BICRA: variants seen among roughly 807,000 people sequenced by gnomAD.
The protein encoded by BICRA is BRD4 interacting chromatin remodeling complex associated protein.
In BICRA, 31 loss-of-function variants were observed where a neutral mutation model predicts 96.9. The observed-to-expected ratio is 0.32, with a 90% CI of 0.24 to 0.43. BICRA has a LOEUF of 0.43. Among genes scored for constraint, BICRA ranks in the 20% least tolerant of loss-of-function variants. The probability of loss-of-function intolerance (pLI) is 1.00; values close to 1 mark genes in which losing one functional copy is unlikely to be tolerated. For missense variants in BICRA, 2,283 were observed against 2,190.3 expected, an observed-to-expected ratio of 1.04 and a Z score of -0.84; for synonymous variants, 1,350 against 1,071.8, an observed-to-expected ratio of 1.26 and a Z score of -5.07.
chr19:47,664,868 T>G (rs1366104800), intron 1 of BICRA, among the ~76,000 whole-genome samples: 1 of 151,966 alleles, frequency 6.6e-6, no homozygotes, highest in Non-Finnish European at 1.5e-5. Context: ...GTGCGCCCAC[T>G]CCATCTCATG....
At chr19:47,621,494 A>G (rs1232551849) in intron 1 of BICRA, among the ~76,000 whole-genome samples, 1 of 138,600 alleles carries the variant, frequency 7.2e-6, no homozygotes, top group African/African-American at 2.7e-5. Flanking sequence ...TAAATGCGAG[A>G]TGGAATTTTG....
Position 47,701,525 on chromosome 19 carries a change from T to C in BICRA, c.3793T>C (p.Ser1265Pro), listed in dbSNP as rs866228266. The change falls in exon 15 of 15, where the codon TCC becomes CCC. Residue 1265 changes from serine to proline, a missense_variant. Transcript: ENST00000594866. The surrounding 1 kb of genome is among the most constrained non-coding windows in gnomAD (Gnocchi z 5.4). ...CCCTTCGGTCACCTGGGCCCGGGCG[T>C]CCTCCTCCCTGTCCTCCTCTTCCTC... ...GSPSVTWARA[S>P]SSLSSSSSSS... 1.3e-6 allele frequency: 2 copies of C among 1,548,046 alleles called. No individual in the cohort carries two copies. Among genetic ancestry groups the C allele is most frequent in the Non-Finnish European group, 1.7e-6 (2 of 1,146,706 alleles).
intron 1 of BICRA, among the ~76,000 whole-genome samples, chr19:47,624,738 A>G (rs555048264): frequency 1.3e-5 from 2 of 151,120 alleles, no homozygotes; most frequent in Admixed American, 1.3e-4. Context: ...TCTGTCGCCC[A>G]GGCTGGAATG....
intron 6 of BICRA, 71 bp from the exon 7 acceptor site, chr19:47,681,904 AG>A: frequency 9.7e-7 from 1 of 1,034,672 alleles, no homozygotes. Flanking sequence ...CAATAGGGGC[AG>A]GGGTCTCGGG....
At chr19:47,667,591 C>T (rs1362640638) in intron 1 of BICRA, among the ~76,000 whole-genome samples, 2 of 152,214 alleles carry the variant, frequency 1.3e-5, no homozygotes, top group East Asian at 3.9e-4. Context: ...GAACAGGGCA[C>T]CCGCATTCCA....
Position 47,681,190 on chromosome 19 carries a change from C to T in BICRA, c.2020C>T (p.Pro674Ser). The stretch of plus-strand genomic sequence containing the variant: ...GCCCAGCCCTGGCCTGGCGTCTAGC[C>T]CGGAGAAGATCGTCCTGGGGCAGCC... ...PQPSPGLASSPEKIVLGQPPS... is the reference protein window; with the variant it reads ...PQPSPGLASSSEKIVLGQPPS... The change falls in exon 6 of 15, where the codon CCG (proline) becomes TCG (serine). Residue 674 changes from proline to serine, a missense_variant. Coordinates refer to ENST00000594866, the MANE Select transcript of BICRA (RefSeq NM_001394372.1). 1.3e-6 allele frequency: 2 copies of T among 1,532,976 alleles called. No individual in the cohort carries two copies. Among genetic ancestry groups the T allele is most frequent in the South Asian group, 1.2e-5 (1 of 83,978 alleles). The allele number at this position is 1,532,976 out of a possible 1,614,324, so 95.0% of individuals were successfully genotyped here.
intron 1 of BICRA, among the ~76,000 whole-genome samples, chr19:47,653,126 C>T (rs900986389): frequency 5.3e-5 from 8 of 150,366 alleles, no homozygotes; most frequent in Non-Finnish European, 8.8e-5. Context: ...CTGGCTCAAG[C>T]GATCCTCCGA....
In BICRA at chr19:47,699,039, C is replaced by T. The variant is rs370810373; in HGVS notation, c.3472C>T (p.Leu1158=). 7.0e-6 allele frequency: 11 copies of T among 1,576,152 alleles called. No homozygotes were observed. The African/African-American group carries it at 8.1e-5, about 12-fold the overall frequency. The change falls in exon 13 of 15, where the codon CTG becomes TTG. Residue 1158 remains leucine (L), a synonymous_variant. Coordinates refer to ENST00000594866, the MANE Select transcript of BICRA (RefSeq NM_001394372.1). The surrounding 1 kb of genome is among the most constrained non-coding windows in gnomAD (Gnocchi z 5.0). ...GGCCATGCTCAATAAATATCGGCTC[C>T]TGCTCCTGGAGGAGTCCCGGGTAGG... is the stretch of plus-strand genomic sequence containing the variant. ...TQAMLNKYRL[L]LLEESRRVSP...
intron 6 of BICRA, 115 bp from the exon 7 acceptor site, chr19:47,681,861 C>T: frequency 1.3e-6 from 1 of 741,290 alleles, no homozygotes. Context: ...GCCAGGCTGC[C>T]CACTACCCCA....
intron 1 of BICRA, among the ~76,000 whole-genome samples, chr19:47,622,775 C>G (rs1197423820): frequency 6.8e-6 from 1 of 147,210 alleles, no homozygotes; most frequent in Non-Finnish European, 1.5e-5. Flanking sequence ...TGCGGTGGCT[C>G]ATGCCTGTAA....
At chr19:47,681,882 C>G (rs1425960316) in intron 6 of BICRA, 94 bp from the exon 7 acceptor site, 1 of 883,258 alleles carries the variant, frequency 1.1e-6, no homozygotes, top group Non-Finnish European at 1.7e-6. Flanking sequence ...TTCTCTGGAA[C>G]CCTGGGAGCG....
chr19:47,660,823 C>T (rs557920871), intron 1 of BICRA, among the ~76,000 whole-genome samples: 1 of 152,260 alleles, frequency 6.6e-6, no homozygotes, highest in South Asian at 2.1e-4. Flanking sequence ...GGCAAGTACC[C>T]AACCCTTTTT....
chr19:47,687,963 A>G (rs1036496524), intron 7 of BICRA, among the ~76,000 whole-genome samples: 1 of 152,138 alleles, frequency 6.6e-6, no homozygotes, highest in African/African-American at 2.4e-5. Context: ...CCTTTTTGAA[A>G]AGGTTCATGC....
intron 1 of BICRA, among the ~76,000 whole-genome samples, chr19:47,656,243 T>G (rs1209421419): frequency 6.9e-6 from 1 of 144,636 alleles, no homozygotes. Context: ...TGGGCAACAG[T>G]GAGACCCTGT....
intron 1 of BICRA, among the ~76,000 whole-genome samples, chr19:47,630,221 C>T (rs1288601984): frequency 3.6e-5 from 5 of 139,562 alleles, no homozygotes; most frequent in Non-Finnish European, 6.0e-5. Flanking sequence ...AGTGCAGTGG[C>T]GCAATCTCGG....
intron 7 of BICRA, among the ~76,000 whole-genome samples, chr19:47,682,455 G>A (rs192796788): frequency 6.6e-6 from 1 of 152,172 alleles, no homozygotes; most frequent in Non-Finnish European, 1.5e-5. Context: ...CATTTCAAAC[G>A]GTACAAAAAG....
At chr19:47,677,079 C>T (rs1013965619) in intron 5 of BICRA, among the ~76,000 whole-genome samples, 12 of 152,172 alleles carry the variant, frequency 7.9e-5, no homozygotes, top group African/African-American at 2.9e-4. Context: ...CCAGGCAGTT[C>T]CCTCGTCTGT....
Position 47,694,476 on chromosome 19 carries a change from C to T in BICRA, c.2645C>T (p.Ser882Phe). 1.9e-6 allele frequency: 2 copies of T among 1,070,106 alleles called. No individual in the cohort carries two copies. The highest frequency in any genetic ancestry group is 5.3e-5 in the East Asian group (2 of 38,092). The allele number at this position is 1,070,106 out of a possible 1,614,324, so 66.3% of individuals were successfully genotyped here. ...CCCCCAGCCCCCCACCTCCCTCCAT[C>T]CTCCACCTCCTCTGCTGTGGCCTCC... Reference protein sequence around the residue: ...PLPPAPHLPPSSTSSAVASSS... With the variant: ...PLPPAPHLPPFSTSSAVASSS... Residue 882 changes from serine (S) to phenylalanine (F), a missense_variant, in exon 8 of 15, where the codon TCC (serine) becomes TTC (phenylalanine). Ser to Phe is a radical substitution (Grantham distance 155). Coordinates refer to ENST00000594866, the MANE Select transcript of BICRA (RefSeq NM_001394372.1).
Position 47,680,120 on chromosome 19 carries a change from C to G in BICRA, c.950C>G (p.Thr317Ser). ...FGGAGAASAPTGTPSGQPLAV... is the reference protein window; with the variant it reads ...FGGAGAASAPSGTPSGQPLAV... ...GGCGCGGGGGCCGCCTCGGCTCCCA[C>G]CGGGACGCCCTCGGGACAGCCGCTG... The change falls in exon 6 of 15, where the codon ACC (threonine) becomes AGC (serine). Residue 317 changes from threonine to serine, a missense_variant. Transcript: ENST00000594866. 6 of 1,532,212 alleles carry G rather than the reference C, an allele frequency of 3.9e-6. No homozygotes were observed. The highest frequency in any genetic ancestry group is 5.2e-6 in the Non-Finnish European group (6 of 1,150,876). 94.9% of individuals were successfully genotyped at this position (1,532,212 alleles called of 1,614,324 possible). A position where few individuals can be genotyped will look rare whatever the true frequency, so the allele number is the denominator to read the frequency against.
Sources: gnomAD v4.1 joint callset for allele counts (sites outside exome capture counted in the v4.1 genomes callset) on GRCh38, gnomAD v4.1.1 for gene constraint, Gnocchi (gnomAD v3.1) non-coding constraint, MANE v1.5 for transcripts, NCBI Gene and HGNC (gene_info 2026-07-23, HGNC 2026-07-21) for gene names.